The following COX10 variants were observed in gnomAD, a reference collection of about 807,000 sequenced individuals.
COX10 encodes the protein protoheme IX farnesyltransferase, mitochondrial.
COX10 carries 27 observed loss-of-function variants against 37.3 expected under a neutral mutation model. The observed-to-expected ratio is 0.72, with a 90% CI of 0.53 to 1.00. The LOEUF is 1.00. Ranked by LOEUF, COX10 falls within the 50% of genes least tolerant of loss-of-function variation. COX10 has a pLI of 0.00. For missense variants in COX10, 475 were observed against 563.2 expected (o/e 0.84, Z 1.59); for synonymous variants, 222 against 229.1 (o/e 0.97, Z 0.28).
At chr17:14,174,764 T>C (rs1905605052) in intron 5 of COX10, among the ~76,000 whole-genome samples, 1 of 151,352 alleles carries the variant, frequency 6.6e-6, no homozygotes, top group African/African-American at 2.4e-5. Context: ...AAATTTACCA[T>C]ACAATCCCAT....
chr17:14,199,466 C>T (rs1049994587), intron 6 of COX10, among the ~76,000 whole-genome samples: 1 of 152,156 alleles, frequency 6.6e-6, no homozygotes, highest in Admixed American at 6.5e-5. Context: ...AAGGGGAGCA[C>T]TGTTTTCAGA....
At chr17:14,192,947 C>T (rs1450837624) in intron 6 of COX10, among the ~76,000 whole-genome samples, 4 of 152,112 alleles carry the variant, frequency 2.6e-5, no homozygotes, top group East Asian at 1.9e-4. Flanking sequence ...GACCATAAAC[C>T]GTTACCCTGT....
intron 4 of COX10, among the ~76,000 whole-genome samples, chr17:14,106,343 T>C (rs927181175): frequency 3.9e-5 from 6 of 152,142 alleles, no homozygotes; most frequent in Non-Finnish European, 8.8e-5. Flanking sequence ...AAGAGTTGTA[T>C]ATGGATATAC....
At chr17:14,155,820 G>A (rs1905029511) in intron 4 of COX10, among the ~76,000 whole-genome samples, 1 of 152,136 alleles carries the variant, frequency 6.6e-6, no homozygotes, top group Non-Finnish European at 1.5e-5. Context: ...AAAGGGAGAT[G>A]TTGCTTCCTC....
At chr17:14,200,431 G>A (rs1219248878) in intron 6 of COX10, among the ~76,000 whole-genome samples, 5 of 152,206 alleles carry the variant, frequency 3.3e-5, no homozygotes, top group African/African-American at 1.2e-4. Flanking sequence ...ACATTAATGA[G>A]CCTTGCCCCA....
At position 14,206,946 on chromosome 17, in the gene COX10, C is replaced by T. The variant is rs144384923; in HGVS notation, c.1065C>T (p.Arg355=). Residue 355 remains arginine (R), a synonymous_variant, in exon 7 of 7, where the codon CGC becomes CGT. Transcript: ENST00000261643. ...MSVTHPGLCR[R]VALRHCLALL... ...TCACCCACCCGGGCCTGTGCCGGCGCGTGGCGCTGCGCCACTGCCTGGCCC... is the reference window on the plus strand; with the variant it reads ...TCACCCACCCGGGCCTGTGCCGGCGTGTGGCGCTGCGCCACTGCCTGGCCC... 2.4e-5 allele frequency: 38 copies of T among 1,613,644 alleles called. No individual in the cohort carries two copies. The highest frequency in any genetic ancestry group is 2.1e-4 in the African/African-American group (16 of 74,936).
intron 4 of COX10, among the ~76,000 whole-genome samples, chr17:14,107,474 G>A (rs187306326): frequency 1.3e-5 from 2 of 152,020 alleles, no homozygotes; most frequent in Admixed American, 1.3e-4. Flanking sequence ...CACTGTAAAT[G>A]AGATGTAAAA....
intron 4 of COX10, among the ~76,000 whole-genome samples, chr17:14,138,496 C>A (rs1332435071): frequency 6.6e-6 from 1 of 151,988 alleles, no homozygotes; most frequent in Non-Finnish European, 1.5e-5. Context: ...TATTGGTAGC[C>A]AGAGTAATGT....
chr17:14,206,930 C>A lies in COX10; in HGVS notation c.1049C>A (p.Pro350Gln). ...TACTGCATGATGTCGGTCACCCACC[C>A]GGGCCTGTGCCGGCGCGTGGCGCTG... ...GGYCMMSVTHPGLCRRVALRH... is the reference protein window; with the variant it reads ...GGYCMMSVTHQGLCRRVALRH... The change falls in exon 7 of 7, where the codon CCG becomes CAG. Residue 350 changes from proline to glutamine, a missense_variant. Transcript: ENST00000261643. The A allele has an allele frequency of 6.2e-7, 1 of 1,613,712 alleles. No individual in the cohort carries two copies. The highest frequency in any genetic ancestry group is 8.5e-7 in the Non-Finnish European group (1 of 1,179,844).
At chr17:14,183,270 A>G (rs1246278892) in intron 5 of COX10, among the ~76,000 whole-genome samples, 1 of 151,850 alleles carries the variant, frequency 6.6e-6, no homozygotes, top group Non-Finnish European at 1.5e-5. Flanking sequence ...ACCGATTTGC[A>G]TGCGTGAGTG....
intron 4 of COX10, among the ~76,000 whole-genome samples, chr17:14,127,234 A>T (rs1411412316): frequency 6.6e-6 from 1 of 152,174 alleles, no homozygotes; most frequent in African/African-American, 2.4e-5. Context: ...TTTTTAAAAA[A>T]TTGATGTTTT....
intron 3 of COX10, among the ~76,000 whole-genome samples, chr17:14,092,530 T>C (rs926762861): frequency 3.3e-5 from 5 of 152,246 alleles, no homozygotes; most frequent in East Asian, 1.9e-4. Context: ...GGCCCCTGAT[T>C]GATACCTTTT....
chr17:14,133,241 A>T (rs1352234768), intron 4 of COX10, among the ~76,000 whole-genome samples: 1 of 151,700 alleles, frequency 6.6e-6, no homozygotes. Flanking sequence ...ATTTACATCT[A>T]AACATGAAAA....
chr17:14,084,615 G>A (rs1281196057), intron 3 of COX10, among the ~76,000 whole-genome samples: 3 of 152,024 alleles, frequency 2.0e-5, no homozygotes, highest in African/African-American at 4.8e-5. Flanking sequence ...TTCTTAAAAC[G>A]CAAACACATA....
At chr17:14,077,219 G>C (rs1192103251) in intron 3 of COX10, 163 bp downstream of exon 3, 6 of 664,250 alleles carry the variant, frequency 9.0e-6, no homozygotes, top group Non-Finnish European at 1.3e-5. Flanking sequence ...TAAATTTTCT[G>C]AATTCTATTT....
chr17:14,190,363 CTGAG>C (rs1160993283), intron 5 of COX10, among the ~76,000 whole-genome samples: 3 of 152,084 alleles, frequency 2.0e-5, no homozygotes, highest in Admixed American at 6.5e-5. Context: ...TTGAGGGTGC[CTGAG>C]TGAGTATTGT....
intron 3 of COX10, among the ~76,000 whole-genome samples, chr17:14,078,706 T>TG (rs1299075395): frequency 6.6e-6 from 1 of 152,174 alleles, no homozygotes; most frequent in Non-Finnish European, 1.5e-5. Flanking sequence ...TGCCCAGCGT[T>TG]GCCAAACTAA....
chr17:14,192,915 CAT>C (rs1906253532), intron 6 of COX10, among the ~76,000 whole-genome samples: 1 of 152,124 alleles, frequency 6.6e-6, no homozygotes, highest in Non-Finnish European at 1.5e-5. Context: ...ATATTTTTCA[CAT>C]GAGAGATCAA....
intron 4 of COX10, among the ~76,000 whole-genome samples, chr17:14,125,995 A>G (rs1259238599): frequency 6.6e-6 from 1 of 152,202 alleles, no homozygotes; most frequent in Non-Finnish European, 1.5e-5. Flanking sequence ...AGTGTTTGCC[A>G]CGGAGAACTC....
Sources: gnomAD v4.1 joint callset for allele counts (sites outside exome capture counted in the v4.1 genomes callset) on GRCh38, gnomAD v4.1.1 for gene constraint, MANE v1.5 for transcripts, NCBI Gene and HGNC (gene_info 2026-07-23, HGNC 2026-07-21) for gene names.